TTC7B: variants seen among roughly 807,000 people sequenced by gnomAD.
TTC7B encodes the protein tetratricopeptide repeat protein 7B.
A neutral mutation model predicts 106.8 loss-of-function variants in TTC7B; 28 were observed. The observed-to-expected ratio is 0.26, with a 90% CI of 0.19 to 0.36. The LOEUF (loss-of-function observed/expected upper bound fraction) is 0.36. Ranked by LOEUF, TTC7B falls within the 10% of genes least tolerant of loss-of-function variation. The pLI is 1.00. For synonymous variants in TTC7B, 405 were observed against 430.6 expected (o/e 0.94, Z 0.74); for missense variants, 862 against 1,076.4 (o/e 0.80, Z 2.79).
chr14:90,545,317 C>T (rs964881167), intron 19 of TTC7B, among the ~76,000 whole-genome samples: 2 of 152,228 alleles, frequency 1.3e-5, no homozygotes, highest in Admixed American at 6.5e-5. Context: ...AGGAAAGGGG[C>T]GTCTGCCATG....
chr14:90,659,230 T>TGA (rs1555386583), intron 9 of TTC7B, among the ~76,000 whole-genome samples: 6 of 146,858 alleles, frequency 4.1e-5, no homozygotes, highest in Admixed American at 6.8e-5. Flanking sequence ...TGTGTGTGTG[T>TGA]GAGAGAGAGA....
At position 90,524,899 on chromosome 14, in the gene TTC7B, AAAC is replaced by A. The variant is rs1205219031; in HGVS notation, c.*16466_*16468del. ...CGAGGCCTTTTTTTTTAAAAAAAAA[AAAC>A]AAACAAAAAAACAAAAAACAGCCTT... is the stretch of plus-strand genomic sequence containing the variant. On this transcript the variant is annotated 3_prime_UTR_variant, in exon 20 of 20. Coordinates refer to ENST00000328459, the MANE Select transcript of TTC7B (RefSeq NM_001010854.2). 1 of 151,808 alleles carries A rather than the reference AAAC, an allele frequency of 6.6e-6. No homozygotes were observed. Among genetic ancestry groups the A allele is most frequent in the Admixed American group, 6.6e-5 (1 of 15,242 alleles). 9.4% of individuals were successfully genotyped at this position (151,808 alleles called of 1,614,324 possible). A position where few individuals can be genotyped will look rare whatever the true frequency, so the allele number is the denominator to read the frequency against.
chr14:90,719,139 G>A (rs886562003), intron 5 of TTC7B, among the ~76,000 whole-genome samples: 1 of 152,030 alleles, frequency 6.6e-6, no homozygotes, highest in African/African-American at 2.4e-5. Flanking sequence ...AGCTGGGCCT[G>A]GTGGCACGCA....
Position 90,541,067 on chromosome 14 carries a change from A to T in TTC7B, c.*301T>A, listed in dbSNP as rs1201279993. 5.5e-6 allele frequency: 2 copies of T among 365,164 alleles called. No homozygotes were observed. The highest frequency in any genetic ancestry group is 8.9e-5 in the Admixed American group (2 of 22,534). The allele number at this position is 365,164 out of a possible 1,614,324, so 22.6% of individuals were successfully genotyped here. Reference sequence around the variant, plus strand: ...TGAATATATTCTTCTACATTTGCTGATTAATTCCATAATCATTTTACTGAA... The same window carrying T: ...TGAATATATTCTTCTACATTTGCTGTTTAATTCCATAATCATTTTACTGAA... On this transcript the variant is annotated 3_prime_UTR_variant, in exon 20 of 20. Transcript: ENST00000328459.
Position 90,657,028 on chromosome 14 carries a change from G to C in TTC7B, c.1341+146C>G. 6 of 682,644 alleles carry C rather than the reference G, an allele frequency of 8.8e-6. No individual in the cohort carries two copies. Among genetic ancestry groups the C allele is most frequent in the Non-Finnish European group, 1.5e-5 (6 of 413,388 alleles). 42.3% of individuals were successfully genotyped at this position (682,644 alleles called of 1,614,324 possible). On this transcript the variant is annotated intron_variant, in intron 11 of 19. Coordinates refer to ENST00000328459, the MANE Select transcript of TTC7B (RefSeq NM_001010854.2). The surrounding 1 kb of genome is among the most constrained non-coding windows in gnomAD (Gnocchi z 4.2). ...AGGCCTGAGGAGGCCAGGGGCCCAG[G>C]CCCAGGGTCCGTGGCTCTACACAGT...
chr14:90,553,978 G>A (rs1460780090), intron 19 of TTC7B, among the ~76,000 whole-genome samples: 1 of 152,244 alleles, frequency 6.6e-6, no homozygotes, highest in African/African-American at 2.4e-5. Flanking sequence ...AGAGTAATGG[G>A]CTGTCAGGCA....
chr14:90,601,396 A>C (rs1000065861), intron 17 of TTC7B, among the ~76,000 whole-genome samples: 2 of 152,216 alleles, frequency 1.3e-5, no homozygotes, highest in Admixed American at 1.3e-4. Context: ...TGATGGAAAG[A>C]GAAAAACATC....
chr14:90,637,226 C>T (rs368024926), intron 15 of TTC7B, among the ~76,000 whole-genome samples: 2 of 151,604 alleles, frequency 1.3e-5, no homozygotes, highest in East Asian at 3.9e-4. Flanking sequence ...GAAAAATAAA[C>T]ATTATGAATT....
intron 16 of TTC7B, among the ~76,000 whole-genome samples, chr14:90,617,537 G>T (rs1893135063): frequency 6.6e-6 from 1 of 152,170 alleles, no homozygotes; most frequent in Non-Finnish European, 1.5e-5. Flanking sequence ...TGTCTGTGCA[G>T]GTCTTTTAAA....
In TTC7B at chr14:90,538,521, C is replaced by G. The variant is rs752738725; in HGVS notation, c.*2847G>C. Reference sequence around the variant, plus strand: ...TTATAGAGAGAACCGACTCAATCCTCCCTTCTAAGAGGACTGTGCAGACAT... The same window carrying G: ...TTATAGAGAGAACCGACTCAATCCTGCCTTCTAAGAGGACTGTGCAGACAT... On this transcript the variant is annotated 3_prime_UTR_variant, in exon 20 of 20. Transcript: ENST00000328459. The G allele has an allele frequency of 6.6e-6, 1 of 152,296 alleles. No individual in the cohort carries two copies. The highest frequency in any genetic ancestry group is 2.4e-5 in the African/African-American group (1 of 41,430). The allele number at this position is 152,296 out of a possible 1,614,324, so 9.4% of individuals were successfully genotyped here. A position where few individuals can be genotyped will look rare whatever the true frequency, so the allele number is the denominator to read the frequency against.
chr14:90,701,149 C>T (rs1337863490), intron 5 of TTC7B, among the ~76,000 whole-genome samples: 4 of 152,082 alleles, frequency 2.6e-5, no homozygotes, highest in Admixed American at 6.5e-5. Flanking sequence ...GATATAGTGA[C>T]GGAGGGTGTG....
intron 3 of TTC7B, among the ~76,000 whole-genome samples, chr14:90,746,908 T>G (rs1217896612): frequency 6.6e-5 from 10 of 152,218 alleles, no homozygotes; most frequent in Admixed American, 6.5e-4. Context: ...AGTAAAGGGC[T>G]GACTTAGAGC....
rs1052326004 is a variant in TTC7B at position 90,787,587 on chromosome 14, T to C, written c.122-1259A>G. On this transcript the variant is annotated intron_variant, in intron 1 of 19. Transcript: ENST00000328459. ...CTAGATTTACCTATTATATATGCAA[T>C]CTAAAATTAATTCAAAAAGTCATCA... Among the ~76,000 whole-genome samples, 3 of 152,164 alleles carry C rather than the reference T, an allele frequency of 2.0e-5. No individual in the cohort carries two copies. The East Asian group carries it at 5.8e-4, about 29-fold the overall frequency.
chr14:90,750,915 C>A (rs1457317191), intron 3 of TTC7B, among the ~76,000 whole-genome samples: 1 of 152,212 alleles, frequency 6.6e-6, no homozygotes, highest in Non-Finnish European at 1.5e-5. Flanking sequence ...TATTTACAGG[C>A]CCTCTGGACT....
At position 90,541,422 on chromosome 14, in the gene TTC7B, C is replaced by G. The variant is rs1889580490; in HGVS notation, c.2478G>C (p.Glu826Asp). ...AATECFLTAL[E>D]LEASSPAVPF... ...GCACGGCGGGGCTGCTGGCCTCCAGCTCCAAGGCTGTCAGGAAGCACTCCG... is the reference window on the plus strand; with the variant it reads ...GCACGGCGGGGCTGCTGGCCTCCAGGTCCAAGGCTGTCAGGAAGCACTCCG... Residue 826 changes from glutamate to aspartate, a missense_variant, in exon 20 of 20, where the codon GAG (glutamate) becomes GAC (aspartate). Physicochemically the swap from Glu to Asp is conservative, Grantham distance 45 (BLOSUM62 2). Transcript: ENST00000328459. 1 of 1,612,524 alleles carries G rather than the reference C, an allele frequency of 6.2e-7. No individual in the cohort carries two copies. Among genetic ancestry groups the G allele is most frequent in the Non-Finnish European group, 8.5e-7 (1 of 1,179,528 alleles).
At chr14:90,565,160 G>T (rs1405648088) in intron 19 of TTC7B, among the ~76,000 whole-genome samples, 1 of 152,174 alleles carries the variant, frequency 6.6e-6, no homozygotes, top group African/African-American at 2.4e-5. Context: ...TTAGGCTTTG[G>T]CTTAAGGGAA....
rs563448557 is a variant in TTC7B at position 90,780,867 on chromosome 14, A to C, written c.316T>G (p.Leu106Val). The change falls in exon 3 of 20, where the codon TTG becomes GTG. Residue 106 changes from leucine (L) to valine (V), a missense_variant. Coordinates refer to ENST00000328459, the MANE Select transcript of TTC7B (RefSeq NM_001010854.2). ...TTATAATCACCTTCCACATAATTCA[A>C]CTTGGCCATGATCAGATTGGATTCT... is the stretch of plus-strand genomic sequence containing the variant. ...LQESNLIMAK[L>V]NYVEGDYKEA... 5.6e-6 allele frequency: 9 copies of C among 1,614,206 alleles called. No homozygotes were observed. The South Asian group carries it at 8.8e-5, about 16-fold the overall frequency.
rs1445730569 is a variant in TTC7B, at chr14:90,759,222, C to T, written c.446-14300G>A. Among the ~76,000 whole-genome samples the T allele has an allele frequency of 1.3e-5, 2 of 152,140 alleles. No individual in the cohort carries two copies. The highest frequency in any genetic ancestry group is 2.4e-5 in the African/African-American group (1 of 41,442). On this transcript the variant is annotated intron_variant, in intron 3 of 19. Transcript: ENST00000328459. This position sits in a 1 kb window ranked among gnomAD's most constrained non-coding sequence, Gnocchi z 4.1. ...CACAGAACAATCTGTGTTCTGCTCC[C>T]GCCCCCGAGAGAGTTCTGAGCTTTC...
At position 90,629,811 on chromosome 14, in the gene TTC7B, G is replaced by A. The variant is rs1286446; in HGVS notation, c.1752-11766C>T. 3.4e-3 allele frequency among the ~76,000 whole-genome samples: 523 copies of A among 152,332 alleles called. 4 individuals carry two copies. The highest frequency in any genetic ancestry group is 0.012 in the African/African-American group (486 of 41,580). ...CCAGCCTCGCCTCTCCCAGCTGCTC[G>A]GCTTTCTGAGCCCCCGGCGGTCAGC... On this transcript the variant is annotated intron_variant, in intron 15 of 19. Coordinates refer to ENST00000328459, the MANE Select transcript of TTC7B (RefSeq NM_001010854.2).
Sources: gnomAD v4.1 joint callset for allele counts (sites outside exome capture counted in the v4.1 genomes callset) on GRCh38, gnomAD v4.1.1 for gene constraint, Gnocchi (gnomAD v3.1) non-coding constraint, MANE v1.5 for transcripts, NCBI Gene and HGNC (gene_info 2026-07-23, HGNC 2026-07-21) for gene names.